Variants in ACTR3C observed in about 807,000 individuals in gnomAD.
The protein encoded by ACTR3C is actin related protein 3C.
ACTR3C carries 18 observed loss-of-function variants against 26.3 expected under a neutral mutation model. That is an observed-to-expected ratio of 0.68 (90% confidence interval 0.47 to 1.01). The LOEUF (loss-of-function observed/expected upper bound fraction) is 1.01. ACTR3C is among the 50% of genes least tolerant of loss of function. ACTR3C has a pLI of 0.00. For missense variants in ACTR3C, 184 were observed against 250.7 expected (o/e 0.73, Z 1.80); for synonymous variants, 55 against 94.5 (o/e 0.58, Z 2.42).
intron 1 of ACTR3C, among the ~76,000 whole-genome samples, chr7:150,317,980 G>A (rs1381067384): frequency 1.3e-5 from 2 of 152,154 alleles, no homozygotes; most frequent in African/African-American, 2.4e-5. Flanking sequence ...ACTCTTTATA[G>A]GACAGGGCTT....
the ACTR3C span, among the ~76,000 whole-genome samples, chr7:149,966,492 A>G: frequency 6.6e-6 from 1 of 152,218 alleles, no homozygotes; most frequent in Admixed American, 6.5e-5. Flanking sequence ...CCTTCTTCCA[A>G]GTTAAGTGAG....
chr7:150,113,680 A>G, the ACTR3C span, among the ~76,000 whole-genome samples: 1 of 152,224 alleles, frequency 6.6e-6, no homozygotes, highest in Non-Finnish European at 1.5e-5. Context: ...TCAGGGGTGT[A>G]AAATCTTACA....
chr7:150,072,889 G>T, the ACTR3C span, among the ~76,000 whole-genome samples: 1 of 152,022 alleles, frequency 6.6e-6, no homozygotes, highest in African/African-American at 2.4e-5. Flanking sequence ...TTGGATAAGG[G>T]GAAGAAGGGA....
chr7:150,094,903 C>G, the ACTR3C span, among the ~76,000 whole-genome samples: 1 of 149,608 alleles, frequency 6.7e-6, no homozygotes, highest in Non-Finnish European at 1.5e-5. Context: ...AAACCCTACC[C>G]ACTTCTCTCC....
the ACTR3C span, among the ~76,000 whole-genome samples, chr7:149,941,547 A>T: frequency 6.6e-6 from 1 of 152,150 alleles, no homozygotes; most frequent in African/African-American, 2.4e-5. Context: ...GCTCCTGACT[A>T]TTTCTCTGAA....
At chr7:150,114,307 G>A in the ACTR3C span, among the ~76,000 whole-genome samples, 333 of 152,178 alleles carry the variant, frequency 2.2e-3, no homozygotes, top group African/African-American at 7.8e-3. Flanking sequence ...CTGAGGCAAG[G>A]AGATTATATT....
the ACTR3C span, among the ~76,000 whole-genome samples, chr7:149,927,798 TAAAG>T: frequency 4.6e-5 from 7 of 151,430 alleles, no homozygotes; most frequent in Non-Finnish European, 1.0e-4. Flanking sequence ...GTAAGCAAAA[TAAAG>T]AACGATGTAC....
At chr7:150,285,904 C>T (rs1835735506) in intron 5 of ACTR3C, among the ~76,000 whole-genome samples, 1 of 152,110 alleles carries the variant, frequency 6.6e-6, no homozygotes, top group African/African-American at 2.4e-5. Context: ...TAGACAGAAG[C>T]TTTACCTAAC....
chr7:150,032,807 C>T, the ACTR3C span, among the ~76,000 whole-genome samples: 54 of 151,630 alleles, frequency 3.6e-4, no homozygotes, highest in African/African-American at 1.3e-3. Flanking sequence ...TTTTTTTTCT[C>T]TGTAGGTCGT....
chr7:150,233,157 T>C, the ACTR3C span, among the ~76,000 whole-genome samples: 1 of 152,014 alleles, frequency 6.6e-6, no homozygotes, highest in African/African-American at 2.4e-5. Flanking sequence ...GGTCTGATGG[T>C]GATTATTTCC....
chr7:150,082,363 T>C, the ACTR3C span, among the ~76,000 whole-genome samples: 1 of 152,288 alleles, frequency 6.6e-6, no homozygotes, highest in African/African-American at 2.4e-5. Flanking sequence ...ACCCCCTTAT[T>C]GATCTCAAGA....
At chr7:150,084,776 T>C in the ACTR3C span, among the ~76,000 whole-genome samples, 2 of 152,138 alleles carry the variant, frequency 1.3e-5, no homozygotes, top group South Asian at 4.2e-4. Flanking sequence ...GTGATGGATC[T>C]GACTTATGTT....
the ACTR3C span, among the ~76,000 whole-genome samples, chr7:150,038,890 T>TCCCC: frequency 1.5e-5 from 1 of 65,804 alleles, no homozygotes; most frequent in South Asian, 5.0e-4. Flanking sequence ...GGGGGGTGCC[T>TCCCC]CCCCCCTGCG....
intron 1 of ACTR3C, among the ~76,000 whole-genome samples, chr7:150,299,778 T>G (rs1374184144): frequency 6.6e-6 from 1 of 151,850 alleles, no homozygotes; most frequent in Non-Finnish European, 1.5e-5. Context: ...AAGAGTTAAC[T>G]CCATCTCAAA....
At chr7:150,103,936 CTG>C in the ACTR3C span, among the ~76,000 whole-genome samples, 2 of 152,052 alleles carry the variant, frequency 1.3e-5, no homozygotes, top group African/African-American at 2.4e-5. Flanking sequence ...CGTTTGTAGA[CTG>C]TAAAAATTAC....
the ACTR3C span, among the ~76,000 whole-genome samples, chr7:149,945,766 T>C: frequency 6.6e-6 from 1 of 152,154 alleles, no homozygotes; most frequent in Admixed American, 6.5e-5. Context: ...CATCGGGTTC[T>C]GGGGAAGCAC....
the ACTR3C span, among the ~76,000 whole-genome samples, chr7:150,071,030 A>T: frequency 1.6e-5 from 2 of 125,676 alleles, no homozygotes; most frequent in Non-Finnish European, 3.4e-5. Flanking sequence ...TCCTGACCTC[A>T]TGATCCACCT....
chr7:150,076,305 C>T, the ACTR3C span, among the ~76,000 whole-genome samples: 21 of 152,108 alleles, frequency 1.4e-4, no homozygotes, highest in African/African-American at 4.8e-4. Context: ...CAATTACTAT[C>T]AATCTTTGCA....
the ACTR3C span, among the ~76,000 whole-genome samples, chr7:149,982,977 G>A: frequency 6.6e-6 from 1 of 152,188 alleles, no homozygotes; most frequent in Non-Finnish European, 1.5e-5. Flanking sequence ...TAAAGGAAAA[G>A]CGTTTAACTT....
Sources: gnomAD v4.1 joint callset for allele counts (sites outside exome capture counted in the v4.1 genomes callset) on GRCh38, gnomAD v4.1.1 for gene constraint, MANE v1.5 for transcripts, NCBI Gene and HGNC (gene_info 2026-07-23, HGNC 2026-07-21) for gene names.